Variants in NAT1 observed in about 807,000 individuals in gnomAD.
The protein encoded by NAT1 is N-acetyltransferase 1.
For missense variants in NAT1, 400 were observed against 339.2 expected, an observed-to-expected ratio of 1.18 and a Z score of -1.41; for synonymous variants, 144 against 122.6, an observed-to-expected ratio of 1.17 and a Z score of -1.16.
At chr8:18,178,864 T>G (rs573796202) in intron 2 of NAT1, among the ~76,000 whole-genome samples, 1 of 152,244 alleles carries the variant, frequency 6.6e-6, no homozygotes, top group African/African-American at 2.4e-5. Context: ...CTGACAAGCT[T>G]TTCAAGTCTA....
intron 2 of NAT1, among the ~76,000 whole-genome samples, chr8:18,194,480 G>C (rs559174634): frequency 6.6e-6 from 1 of 152,282 alleles, no homozygotes; most frequent in East Asian, 1.9e-4. Context: ...CATATAGAGA[G>C]TTTAATGGCC....
intron 2 of NAT1, among the ~76,000 whole-genome samples, chr8:18,175,698 A>G (rs973646297): frequency 1.3e-5 from 2 of 152,120 alleles, no homozygotes; most frequent in African/African-American, 4.8e-5. Context: ...TCTCTTCAAC[A>G]TACCAACTTC....
chr8:18,192,748 C>G (rs1311499741), intron 2 of NAT1, among the ~76,000 whole-genome samples: 1 of 151,906 alleles, frequency 6.6e-6, no homozygotes, highest in African/African-American at 2.4e-5. Context: ...GGACAAAAAA[C>G]CAAACACTGC....
chr8:18,176,625 A>G (rs911769499), intron 2 of NAT1, among the ~76,000 whole-genome samples: 69 of 151,182 alleles, frequency 4.6e-4, no homozygotes, highest in African/African-American at 1.5e-3. Context: ...CAATACATTC[A>G]TAATATTTTT....
Position 18,223,688 on chromosome 8 carries a change from CA to C in NAT1, c.*769del, listed in dbSNP as rs68160149. 11,230 of 160,104 alleles carry C rather than the reference CA, an allele frequency of 0.07. 511 individuals are homozygous for C. Among genetic ancestry groups the C allele is most frequent in the South Asian group, 0.097 (457 of 4,712 alleles). 9.9% of individuals were successfully genotyped at this position (160,104 alleles called of 1,614,324 possible). A position where few individuals can be genotyped will look rare whatever the true frequency, so the allele number is the denominator to read the frequency against. On this transcript the variant is annotated 3_prime_UTR_variant, in exon 3 of 3. Coordinates refer to ENST00000307719, the MANE Select transcript of NAT1 (RefSeq NM_000662.8). ...TATTGTTCCATCTTGCTTGCCCCCC[CA>C]CCCCTGTCATCTGCCTGCTTCTTTC...
chr8:18,184,992 T>C (rs1443165845), intron 2 of NAT1, among the ~76,000 whole-genome samples: 1 of 152,230 alleles, frequency 6.6e-6, no homozygotes, highest in Non-Finnish European at 1.5e-5. Context: ...CTATCTTTTT[T>C]AGTTGTTGCT....
intron 2 of NAT1, among the ~76,000 whole-genome samples, chr8:18,176,690 G>T (rs1012490870): frequency 1.3e-5 from 2 of 150,826 alleles, no homozygotes; most frequent in African/African-American, 4.9e-5. Flanking sequence ...AGATTGTTTT[G>T]GCTATTCAGG....
chr8:18,219,260 T>C (rs889554029), intron 1 of NAT1, 151 bp from the exon 2 acceptor site: 14 of 584,064 alleles, frequency 2.4e-5, no homozygotes, highest in African/African-American at 1.7e-4. Context: ...CACACACTTA[T>C]ACAACTCAAA....
intron 2 of NAT1, among the ~76,000 whole-genome samples, chr8:18,191,820 C>T (rs1202426058): frequency 4.6e-5 from 7 of 151,048 alleles, no homozygotes; most frequent in Non-Finnish European, 8.9e-5. Context: ...CTTCCTTACA[C>T]CTTATACAAA....
chr8:18,172,724 T>G (rs1262884091), intron 2 of NAT1, among the ~76,000 whole-genome samples: 2 of 152,204 alleles, frequency 1.3e-5, no homozygotes, highest in African/African-American at 4.8e-5. Flanking sequence ...TATAGCTTAT[T>G]AATCTCTACA....
At chr8:18,208,426 G>A (rs1186122325), upstream of NAT1, among the ~76,000 whole-genome samples, 9 of 152,156 alleles carry the variant, frequency 5.9e-5, no homozygotes. Flanking sequence ...CAGTAAAGTA[G>A]CAGGATACAG....
Position 18,171,675 on chromosome 8 carries a change from C to T in NAT1, n.92+936C>T, listed in dbSNP as rs1236902126. Among the ~76,000 whole-genome samples the T allele has an allele frequency of 7.2e-5, 11 of 152,216 alleles. No individual in the cohort carries two copies. The East Asian group carries it at 2.1e-3, about 29-fold the overall frequency. On this transcript the variant is annotated intron_variant and non_coding_transcript_variant, in intron 2 of 4. Transcript: ENST00000517441. Reference sequence around the variant, plus strand: ...ACAAAACAAAACAAAAAAAACCACACCTGATTGGTCTGTTACACAATTCTG... The same window carrying T: ...ACAAAACAAAACAAAAAAAACCACATCTGATTGGTCTGTTACACAATTCTG...
In NAT1 at chr8:18,175,527, G is replaced by A. The variant is rs185744450; in HGVS notation, n.92+4788G>A. 4.9e-3 allele frequency among the ~76,000 whole-genome samples: 746 copies of A among 152,110 alleles called. 10 individuals are homozygous for A. The highest frequency in any genetic ancestry group is 0.017 in the African/African-American group (704 of 41,512). On this transcript the variant is annotated intron_variant and non_coding_transcript_variant, in intron 2 of 4. Transcript: ENST00000517441. ...AGTGTTCTCCAGCTCCATCTATGTT[G>A]TCACAAATGACAAAAGTTCCTTCTT...
intron 2 of NAT1, 156 bp from the exon 3 acceptor site, chr8:18,221,886 T>C (rs535856062): frequency 6.9e-6 from 5 of 728,196 alleles, no homozygotes; most frequent in African/African-American, 5.4e-5. Context: ...TGAACTTATG[T>C]GTGTAAAAGG....
intron 2 of NAT1, among the ~76,000 whole-genome samples, chr8:18,192,661 T>TA (rs1803046807): frequency 6.6e-6 from 1 of 151,374 alleles, no homozygotes; most frequent in African/African-American, 2.4e-5. Flanking sequence ...TATGCAGCCA[T>TA]AAAAAAGGAT....
intron 2 of NAT1, among the ~76,000 whole-genome samples, chr8:18,195,632 T>C (rs1346057961): frequency 6.6e-6 from 1 of 152,188 alleles, no homozygotes; most frequent in Non-Finnish European, 1.5e-5. Flanking sequence ...CTGTATATTA[T>C]TAAAATTTGG....
intron 2 of NAT1, among the ~76,000 whole-genome samples, chr8:18,193,034 G>T (rs567461879): frequency 7.0e-6 from 1 of 143,382 alleles, no homozygotes; most frequent in South Asian, 2.3e-4. Flanking sequence ...AACAACAAAA[G>T]ATTTTCCAGA....
chr8:18,189,640 T>C lies in NAT1; in HGVS notation n.92+18901T>C, dbSNP rs568277539. 3.7e-4 allele frequency among the ~76,000 whole-genome samples: 56 copies of C among 152,318 alleles called. 1 individual carries two copies. The highest frequency in any genetic ancestry group is 1.3e-3 in the African/African-American group (52 of 41,566). On this transcript the variant is annotated intron_variant and non_coding_transcript_variant, in intron 2 of 4. Coordinates refer to the NAT1 transcript ENST00000517441. ...AGGTAGAAGGCTTTTGTTTATTTAC[T>C]TTGCGATGTGGTTGTTTCTTGCCTT...
intron 2 of NAT1, among the ~76,000 whole-genome samples, chr8:18,181,104 T>C (rs1185115211): frequency 6.6e-6 from 1 of 152,154 alleles, no homozygotes. Context: ...TATGGCCATT[T>C]TAAGAATATT....
Sources: gnomAD v4.1 joint callset for allele counts (sites outside exome capture counted in the v4.1 genomes callset) on GRCh38, gnomAD v4.1.1 for gene constraint, MANE v1.5 for transcripts, NCBI Gene and HGNC (gene_info 2026-07-23, HGNC 2026-07-21) for gene names.